Variants in MARCHF7 observed in about 807,000 individuals in gnomAD.
MARCHF7 encodes membrane associated ring-CH-type finger 7, also known as E3 ubiquitin-protein ligase MARCHF7.
MARCHF7 carries 20 observed loss-of-function variants against 76.5 expected under a neutral mutation model. That is an observed-to-expected ratio of 0.26 (90% confidence interval 0.18 to 0.38). MARCHF7 has a LOEUF of 0.38. Ranked by LOEUF, MARCHF7 falls within the 10% of genes least tolerant of loss-of-function variation. MARCHF7 has a pLI of 1.00. For missense variants in MARCHF7, 797 were observed against 812.9 expected, an observed-to-expected ratio of 0.98 and a Z score of 0.24; for synonymous variants, 295 against 293.0, an observed-to-expected ratio of 1.01 and a Z score of -0.07.
chr2:159,734,204 T>C (rs958899687), intron 4 of MARCHF7: 36 of 829,550 alleles, frequency 4.3e-5, no homozygotes, highest in Non-Finnish European at 5.6e-5. Flanking sequence ...AAGGAAGCAC[T>C]AATCTGTTTA....
In MARCHF7 at chr2:159,745,802, T is replaced by G. The variant is rs1704797359; in HGVS notation, c.379T>G (p.Ser127Ala). Residue 127 changes from serine (S) to alanine (A), a missense_variant, in exon 6 of 12, where the codon TCT becomes GCT. By Grantham distance (99) the Ser-to-Ala change is moderately conservative. Coordinates refer to ENST00000409175, the MANE Select transcript of MARCHF7 (RefSeq NM_001282805.2). ...TTGGAGGCATAGTCAAGTTCCTAGA[T>G]CTTCATCAATGGTACTTGGATCATT... Reference protein sequence around the residue: ...SSWRHSQVPRSSSMVLGSFGT... With the variant: ...SSWRHSQVPRASSMVLGSFGT... 1 of 1,609,830 alleles carries G rather than the reference T, an allele frequency of 6.2e-7. No individual in the cohort carries two copies.
At chr2:159,735,766 G>T (rs980632705) in intron 4 of MARCHF7, among the ~76,000 whole-genome samples, 5 of 152,078 alleles carry the variant, frequency 3.3e-5, no homozygotes, top group African/African-American at 1.2e-4. Context: ...TGACTATTAT[G>T]AATAATGCTG....
At chr2:159,753,387 C>T (rs13009998) in intron 8 of MARCHF7, among the ~76,000 whole-genome samples, 4 of 151,766 alleles carry the variant, frequency 2.6e-5, no homozygotes, top group East Asian at 1.9e-4. Flanking sequence ...CTGGCTAACA[C>T]GGTGAAACCC....
intron 4 of MARCHF7, chr2:159,733,911 T>G (rs888083206): frequency 4.9e-6 from 6 of 1,217,596 alleles, no homozygotes; most frequent in Middle Eastern, 2.1e-4. Context: ...TGGGAAAATG[T>G]AGATTCTAAG....
At chr2:159,738,031 A>G (rs906992072) in intron 4 of MARCHF7, among the ~76,000 whole-genome samples, 4 of 152,190 alleles carry the variant, frequency 2.6e-5, no homozygotes, top group Non-Finnish European at 5.9e-5. Context: ...CTCGGATCCC[A>G]CGCCTGCCAA....
intron 4 of MARCHF7, among the ~76,000 whole-genome samples, chr2:159,740,570 TTGA>T (rs1207638120): frequency 6.6e-6 from 1 of 152,234 alleles, no homozygotes; most frequent in African/African-American, 2.4e-5. Context: ...CCCTGATACC[TTGA>T]TGATGATGGC....
At chr2:159,741,415 G>A (rs367770993) in intron 4 of MARCHF7, among the ~76,000 whole-genome samples, 29 of 151,960 alleles carry the variant, frequency 1.9e-4, no homozygotes, top group African/African-American at 5.3e-4. Context: ...TTGTTTATTT[G>A]TAATGTCTTT....
At chr2:159,749,926 T>C (rs1705417451) in intron 7 of MARCHF7, among the ~76,000 whole-genome samples, 1 of 152,364 alleles carries the variant, frequency 6.6e-6, no homozygotes, top group South Asian at 2.1e-4. Flanking sequence ...TTTATTAAGA[T>C]GATTTATTAA....
rs1379574473 is a variant in MARCHF7 at position 159,768,631 on chromosome 2, A to T, written c.*1289A>T. The T allele has an allele frequency of 6.6e-6, 1 of 152,626 alleles. No homozygotes were observed. The allele number at this position is 152,626 out of a possible 1,614,324, so 9.5% of individuals were successfully genotyped here. ...GTGCTCAAAGAAGACATCAGACTTC[A>T]TAACCAAGAATTTTATTACAATTTC... is the stretch of plus-strand genomic sequence containing the variant. On this transcript the variant is annotated 3_prime_UTR_variant, in exon 12 of 12. Transcript: ENST00000409175.
chr2:159,720,465 C>CCTG (rs1181311043), intron 3 of MARCHF7, among the ~76,000 whole-genome samples: 1 of 152,116 alleles, frequency 6.6e-6, no homozygotes, highest in African/African-American at 2.4e-5. Flanking sequence ...CTGTTCCTTG[C>CCTG]CTGTATTTTT....
rs10592175 is a variant in MARCHF7, at chr2:159,764,255, T to TGTGTGTGTGTGTGCGCGCGC, written c.2008-370_2008-369insTGTGTGTGTGTGCGCGCGCG. On this transcript the variant is annotated intron_variant, in intron 10 of 11. Coordinates refer to ENST00000409175, the MANE Select transcript of MARCHF7 (RefSeq NM_001282805.2). ...GTGTGTGTGTGTGTGTGTGTGTGTGTGCGCGCGCCCACTGAAACTGAATTT... is the reference window on the plus strand; with the variant it reads ...GTGTGTGTGTGTGTGTGTGTGTGTGTGTGTGTGTGTGTGCGCGCGCGCGCGCGCCCACTGAAACTGAATTT... 2.5e-4 allele frequency among the ~76,000 whole-genome samples: 33 copies of TGTGTGTGTGTGTGCGCGCGC among 131,472 alleles called. 1 individual carries two copies. The highest frequency in any genetic ancestry group is 9.1e-4 in the East Asian group (4 of 4,388). 86.3% of individuals were successfully genotyped at this position (131,472 alleles called of 152,430 possible).
At chr2:159,764,251 T>TGCGC (rs1223615270) in intron 10 of MARCHF7, among the ~76,000 whole-genome samples, 40 of 124,650 alleles carry the variant, frequency 3.2e-4, no homozygotes, top group Non-Finnish European at 6.4e-4. Flanking sequence ...TGTGTGTGTG[T>TGCGC]GTGTGCGCGC....
At chr2:159,724,035 C>T (rs1045157913) in intron 3 of MARCHF7, among the ~76,000 whole-genome samples, 1 of 152,176 alleles carries the variant, frequency 6.6e-6, no homozygotes, top group Non-Finnish European at 1.5e-5. Flanking sequence ...CTCACACTCC[C>T]ATTTTTCTAG....
At chr2:159,740,729 A>T (rs1433062928) in intron 4 of MARCHF7, among the ~76,000 whole-genome samples, 4 of 152,232 alleles carry the variant, frequency 2.6e-5, no homozygotes, top group Non-Finnish European at 4.4e-5. Flanking sequence ...TTATCAATTT[A>T]CAAAATATTC....
intron 4 of MARCHF7, among the ~76,000 whole-genome samples, chr2:159,740,610 T>A (rs947782958): frequency 1.3e-5 from 2 of 152,212 alleles, no homozygotes; most frequent in African/African-American, 4.8e-5. Flanking sequence ...TTCTAAAATA[T>A]CAAATTAATT....
At chr2:159,758,932 CTCTG>C (rs1181044980) in intron 8 of MARCHF7, among the ~76,000 whole-genome samples, 1 of 152,174 alleles carries the variant, frequency 6.6e-6, no homozygotes, top group African/African-American at 2.4e-5. Context: ...ATTCCATTGC[CTCTG>C]TCTGCTTCCC....
chr2:159,763,900 A>G (rs1433503004), intron 10 of MARCHF7, among the ~76,000 whole-genome samples: 2 of 152,222 alleles, frequency 1.3e-5, no homozygotes, highest in Admixed American at 6.5e-5. Flanking sequence ...TTATCTATCA[A>G]GAGCATTCAG....
intron 5 of MARCHF7, 111 bp from the exon 6 acceptor site, chr2:159,745,656 AAAT>A (rs760671097): frequency 5.1e-3 from 3,511 of 684,312 alleles, no homozygotes; most frequent in Middle Eastern, 8.0e-3. Flanking sequence ...ACTCCGTCTC[AAAT>A]AATAATAATA....
At chr2:159,749,216 G>A (rs556418495) in intron 7 of MARCHF7, among the ~76,000 whole-genome samples, 3 of 152,066 alleles carry the variant, frequency 2.0e-5, no homozygotes, top group South Asian at 2.1e-4. Flanking sequence ...GACCTTAGGT[G>A]ATCCACCCAC....
Sources: gnomAD v4.1 joint callset for allele counts (sites outside exome capture counted in the v4.1 genomes callset) on GRCh38, gnomAD v4.1.1 for gene constraint, MANE v1.5 for transcripts, NCBI Gene and HGNC (gene_info 2026-07-23, HGNC 2026-07-21) for gene names.